The following PTPRO variants were observed in gnomAD, a reference collection of about 807,000 sequenced individuals.
PTPRO encodes receptor-type tyrosine-protein phosphatase O.
A neutral mutation model predicts 145.2 loss-of-function variants in PTPRO; 62 were observed. That is an observed-to-expected ratio of 0.43 (90% CI 0.35 to 0.53). The LOEUF (loss-of-function observed/expected upper bound fraction) is 0.53. PTPRO is among the 20% of genes least tolerant of loss of function. The pLI is 0.01. For missense variants in PTPRO, 1,345 were observed against 1,482.7 expected, an observed-to-expected ratio of 0.91 and a Z score of 1.53; for synonymous variants, 565 against 514.7, an observed-to-expected ratio of 1.10 and a Z score of -1.32.
At chr12:15,450,140 AT>A (rs144218028) in intron 1 of PTPRO, among the ~76,000 whole-genome samples, 4,419 of 152,250 alleles carry the variant, frequency 0.029, 232 homozygotes, top group African/African-American at 0.1. Flanking sequence ...GCGATGCTGC[AT>A]TTTTAACTTG....
intron 1 of PTPRO, among the ~76,000 whole-genome samples, chr12:15,454,322 G>C (rs1024688086): frequency 1.3e-5 from 2 of 152,130 alleles, no homozygotes; most frequent in African/African-American, 4.8e-5. Flanking sequence ...GTGATGTTGA[G>C]CATTTTTCCA....
chr12:15,556,212 G>C (rs1291124626), intron 15 of PTPRO, among the ~76,000 whole-genome samples: 2 of 152,004 alleles, frequency 1.3e-5, no homozygotes, highest in African/African-American at 2.4e-5. Flanking sequence ...AATTGACATA[G>C]GAAAATTCAT....
chr12:15,340,376 G>T (rs1172664010), intron 1 of PTPRO, among the ~76,000 whole-genome samples: 1 of 152,074 alleles, frequency 6.6e-6, no homozygotes, highest in Non-Finnish European at 1.5e-5. Context: ...ACAGGTGACT[G>T]AATCAGTCCT....
intron 1 of PTPRO, among the ~76,000 whole-genome samples, chr12:15,388,069 C>T (rs913762677): frequency 3.9e-5 from 6 of 151,976 alleles, no homozygotes; most frequent in Non-Finnish European, 5.9e-5. Flanking sequence ...AACCTCCAGC[C>T]GAGCCAATGC....
intron 1 of PTPRO, among the ~76,000 whole-genome samples, chr12:15,466,086 C>G (rs151227562): frequency 3.6e-4 from 55 of 152,282 alleles, no homozygotes; most frequent in Admixed American, 7.8e-4. Flanking sequence ...AACTGAGTCT[C>G]AGGCTATATA....
intron 1 of PTPRO, among the ~76,000 whole-genome samples, chr12:15,330,311 A>C (rs1421468465): frequency 6.6e-6 from 1 of 152,202 alleles, no homozygotes; most frequent in Non-Finnish European, 1.5e-5. Context: ...CATTGGCAAG[A>C]CTGATTAGAT....
intron 1 of PTPRO, among the ~76,000 whole-genome samples, chr12:15,388,872 G>T (rs1391776291): frequency 6.6e-6 from 1 of 151,462 alleles, no homozygotes; most frequent in Non-Finnish European, 1.5e-5. Context: ...TGTGATATCT[G>T]GTTTTTTTTA....
At chr12:15,565,439 T>C in intron 17 of PTPRO, 154 bp from the exon 18 acceptor site, 4 of 548,154 alleles carry the variant, frequency 7.3e-6, no homozygotes, top group South Asian at 6.6e-5. Context: ...TATCTTCTCA[T>C]GTAAGGAAAA....
intron 1 of PTPRO, chr12:15,439,759 G>A (rs1371877076): frequency 6.9e-6 from 4 of 579,984 alleles, no homozygotes; most frequent in African/African-American, 3.7e-5. Flanking sequence ...AGTCCCTGGA[G>A]GAGATCTACC....
At chr12:15,560,126 C>A (rs919161776) in intron 16 of PTPRO, 67 bp from the exon 17 acceptor site, 9 of 1,117,146 alleles carry the variant, frequency 8.1e-6, no homozygotes, top group Admixed American at 1.7e-5. Flanking sequence ...GATATCTATT[C>A]ACAGTTTATA....
intron 1 of PTPRO, among the ~76,000 whole-genome samples, chr12:15,413,489 A>C (rs1939859466): frequency 6.6e-6 from 1 of 152,184 alleles, no homozygotes; most frequent in African/African-American, 2.4e-5. Flanking sequence ...TTTAAATCAC[A>C]CTTTAAGATC....
At chr12:15,435,519 G>T (rs1232848576) in intron 1 of PTPRO, among the ~76,000 whole-genome samples, 1 of 150,868 alleles carries the variant, frequency 6.6e-6, no homozygotes, top group African/African-American at 2.4e-5. Context: ...TTGGGCTAAG[G>T]TTGGCTAAAT....
At position 15,569,435 on chromosome 12, in the gene PTPRO, C is replaced by T. The variant is rs186385650; in HGVS notation, c.2766C>T (p.Asp922=). 6 of 1,613,536 alleles carry T rather than the reference C, an allele frequency of 3.7e-6. No homozygotes were observed. The highest frequency in any genetic ancestry group is 5.1e-6 in the Non-Finnish European group (6 of 1,179,546). Residue 922 remains aspartate (D), a synonymous_variant, in exon 19 of 27, where the codon GAC becomes GAT. Transcript: ENST00000281171. ...RKLTNPVQLD[D]FDAYIKDMAK... The stretch of plus-strand genomic sequence containing the variant: ...GGCAAAGCCCGGTTCAACTGGATGA[C>T]TTTGATGCCTATATTAAGGATATGG...
At chr12:15,542,347 G>A (rs10732569) in intron 12 of PTPRO, among the ~76,000 whole-genome samples, 148,881 of 152,308 alleles carry the variant, frequency 0.98, 72,886 homozygotes, top group East Asian at 1. Flanking sequence ...TTCACTAAAA[G>A]TATCTCACAA....
intron 1 of PTPRO, among the ~76,000 whole-genome samples, chr12:15,479,759 AGATTTCAG>A (rs1238287908): frequency 6.6e-6 from 1 of 152,318 alleles, no homozygotes; most frequent in African/African-American, 2.4e-5. Flanking sequence ...GCAGAGAGGA[AGATTTCAG>A]GAGGCAGGGA....
intron 25 of PTPRO, among the ~76,000 whole-genome samples, chr12:15,593,199 C>A (rs536143526): frequency 2.0e-5 from 3 of 152,318 alleles, no homozygotes; most frequent in Non-Finnish European, 4.4e-5. Flanking sequence ...TATATTTTCT[C>A]CAAACCGTGT....
intron 12 of PTPRO, chr12:15,546,273 G>C: frequency 8.9e-7 from 1 of 1,120,124 alleles, no homozygotes; most frequent in Non-Finnish European, 1.1e-6. Flanking sequence ...GCTAACTTCA[G>C]TATAAATGAC....
intron 26 of PTPRO, 96 bp from the exon 27 acceptor site, chr12:15,595,993 TG>T (rs1944652433): frequency 6.6e-6 from 1 of 152,114 alleles, no homozygotes; most frequent in African/African-American, 2.4e-5. Context: ...CACATCTGCA[TG>T]GGTTGTGAGA....
intron 19 of PTPRO, among the ~76,000 whole-genome samples, chr12:15,570,526 G>A (rs558345285): frequency 6.6e-6 from 1 of 152,168 alleles, no homozygotes; most frequent in East Asian, 1.9e-4. Flanking sequence ...TACAAAGACC[G>A]CTAACTACCA....
Sources: gnomAD v4.1 joint callset for allele counts (sites outside exome capture counted in the v4.1 genomes callset) on GRCh38, gnomAD v4.1.1 for gene constraint, MANE v1.5 for transcripts, NCBI Gene and HGNC (gene_info 2026-07-23, HGNC 2026-07-21) for gene names.